The following PHF14 variants were observed in gnomAD, a reference collection of about 807,000 sequenced individuals.
The protein encoded by PHF14 is PHD finger protein 14.
Under a neutral mutation model 117.9 loss-of-function variants are expected in PHF14, and 55 were observed. The observed-to-expected ratio is 0.47, with a 90% confidence interval of 0.38 to 0.58. The LOEUF is 0.58. Among genes scored for constraint, PHF14 ranks in the 20% least tolerant of loss-of-function variants. The probability of loss-of-function intolerance (pLI) is 0.00; values close to 1 mark genes in which losing one functional copy is unlikely to be tolerated. For synonymous variants in PHF14, 409 were observed against 368.6 expected (o/e 1.11, Z -1.26); for missense variants, 978 against 1,122.2 (o/e 0.87, Z 1.84).
In PHF14 at chr7:10,990,742, C is replaced by A. The variant is rs754076838; in HGVS notation, c.940C>A (p.Gln314Lys). 1.0e-4 allele frequency: 158 copies of A among 1,564,872 alleles called. No homozygotes were observed. The highest frequency in any genetic ancestry group is 1.3e-4 in the Non-Finnish European group (150 of 1,151,712). The change falls in exon 4 of 18, where the codon CAA becomes AAA. Residue 314 changes from glutamine (Q) to lysine (K), a missense_variant. Coordinates refer to ENST00000634607, the MANE Select transcript of PHF14 (RefSeq NM_001007157.2). ...ILEKSQNWSS[Q>K]KMDHILICCV... ...TGAGAAGAGTCAAAACTGGAGCTCTCAAAAAATGGACCATATTCTGATTTG... is the reference window on the plus strand; with the variant it reads ...TGAGAAGAGTCAAAACTGGAGCTCTAAAAAAATGGACCATATTCTGATTTG...
rs908607441 is a variant in PHF14 at position 11,036,335 on chromosome 7, T to G, written c.1603-83T>G. The G allele has an allele frequency of 4.3e-6, 5 of 1,152,902 alleles. No individual in the cohort carries two copies. The East Asian group carries it at 1.3e-4, about 30-fold the overall frequency. The allele number at this position is 1,152,902 out of a possible 1,614,324, so 71.4% of individuals were successfully genotyped here. A position where few individuals can be genotyped will look rare whatever the true frequency, so the allele number is the denominator to read the frequency against. On this transcript the variant is annotated intron_variant, in intron 8 of 17. Coordinates refer to ENST00000634607, the MANE Select transcript of PHF14 (RefSeq NM_001007157.2). Reference sequence around the variant, plus strand: ...AGTTCTGATTATCTTTCTGTGAACATGGGAATAAAAATCAATGTAAAAATC... The same window carrying G: ...AGTTCTGATTATCTTTCTGTGAACAGGGGAATAAAAATCAATGTAAAAATC...
intron 17 of PHF14, among the ~76,000 whole-genome samples, chr7:11,135,602 C>CT (rs1379218227): frequency 6.6e-6 from 1 of 151,972 alleles, no homozygotes; most frequent in South Asian, 2.1e-4. Context: ...AAGAAATGTT[C>CT]TTTTTTTCCC....
rs193209889 is a variant in PHF14 at position 11,023,183 on chromosome 7, C to T, written c.1317+204C>T. Among the ~76,000 whole-genome samples the T allele has an allele frequency of 2.6e-4, 40 of 152,182 alleles. No homozygotes were observed. In the East Asian group the frequency reaches 6.6e-3, roughly 25 times the overall value. Reference sequence around the variant, plus strand: ...TCTATACATTCTTAATTTAGAGTAACGTATGAGGTAAAATGATAATTGGTA... The same window carrying T: ...TCTATACATTCTTAATTTAGAGTAATGTATGAGGTAAAATGATAATTGGTA... On this transcript the variant is annotated intron_variant, in intron 6 of 17. Coordinates refer to ENST00000634607, the MANE Select transcript of PHF14 (RefSeq NM_001007157.2).
chr7:11,016,414 A>G (rs2128316931), intron 5 of PHF14, among the ~76,000 whole-genome samples: 1 of 152,106 alleles, frequency 6.6e-6, no homozygotes, highest in East Asian at 1.9e-4. Flanking sequence ...GATTAATTAG[A>G]CTTTTTTCCT....
intron 16 of PHF14, chr7:11,110,519 C>T (rs1787410804): frequency 2.0e-6 from 2 of 980,458 alleles, no homozygotes; most frequent in Non-Finnish European, 2.4e-6. Flanking sequence ...TCTTCATTGT[C>T]AGCAGGATGA....
intron 17 of PHF14, among the ~76,000 whole-genome samples, chr7:11,158,012 T>C (rs147060131): frequency 4.6e-5 from 7 of 152,304 alleles, no homozygotes; most frequent in South Asian, 2.1e-4. Context: ...TGTTCTGATA[T>C]ACCCTTTACC....
At chr7:11,153,353 A>G (rs12669876) in intron 17 of PHF14, among the ~76,000 whole-genome samples, 5,268 of 152,206 alleles carry the variant, frequency 0.035, 193 homozygotes, top group East Asian at 0.11. Flanking sequence ...TGTTTGAACA[A>G]CTGAGTCTTA....
chr7:10,974,266 C>G lies in PHF14; in HGVS notation c.-58C>G, dbSNP rs572960331. 6.6e-7 allele frequency: 1 copy of G among 1,525,628 alleles called. No individual in the cohort carries two copies. Among genetic ancestry groups the G allele is most frequent in the Non-Finnish European group, 8.9e-7 (1 of 1,118,114 alleles). 94.5% of individuals were successfully genotyped at this position (1,525,628 alleles called of 1,614,324 possible). A position where few individuals can be genotyped will look rare whatever the true frequency, so the allele number is the denominator to read the frequency against. On this transcript the variant is annotated 5_prime_UTR_variant, in exon 1 of 18. Transcript: ENST00000634607. ...CCCCAGTCCCCGACCTCGGCGCTGCCTGGGCTCCTGCAGCCTCTCCCTAAG... is the reference window on the plus strand; with the variant it reads ...CCCCAGTCCCCGACCTCGGCGCTGCGTGGGCTCCTGCAGCCTCTCCCTAAG...
At chr7:11,039,528 G>A (rs115952186) in intron 11 of PHF14, among the ~76,000 whole-genome samples, 4,990 of 152,006 alleles carry the variant, frequency 0.033, 91 homozygotes, top group African/African-American at 0.05. Flanking sequence ...TACAGTTTTC[G>A]CAAATATTTT....
intron 2 of PHF14, among the ~76,000 whole-genome samples, chr7:10,980,069 A>T (rs1334345352): frequency 2.6e-5 from 4 of 152,166 alleles, no homozygotes; most frequent in African/African-American, 9.6e-5. Flanking sequence ...ATAATTAATT[A>T]ATTGGCATTG....
chr7:11,090,630 G>T (rs1786607014), intron 16 of PHF14, among the ~76,000 whole-genome samples: 1 of 152,110 alleles, frequency 6.6e-6, no homozygotes, highest in African/African-American at 2.4e-5. Flanking sequence ...TAACTGTAAA[G>T]AAATTGTGGA....
At chr7:11,057,624 T>A in intron 14 of PHF14, among the ~76,000 whole-genome samples, 1 of 152,194 alleles carries the variant, frequency 6.6e-6, no homozygotes, top group African/African-American at 2.4e-5. Flanking sequence ...TCTACCCGCC[T>A]CGGCCTCCCA....
At chr7:11,077,586 C>T (rs185309667) in intron 16 of PHF14, among the ~76,000 whole-genome samples, 3 of 121,734 alleles carry the variant, frequency 2.5e-5, no homozygotes, top group East Asian at 2.5e-4. Flanking sequence ...GGCAACAGAG[C>T]GAGACTCTGT....
chr7:11,128,010 C>G (rs1237145425), intron 17 of PHF14, among the ~76,000 whole-genome samples: 1 of 152,060 alleles, frequency 6.6e-6, no homozygotes, highest in Non-Finnish European at 1.5e-5. Context: ...AAAGTTGTAA[C>G]TTGACATTTT....
At chr7:11,066,850 T>C (rs1244027014) in intron 16 of PHF14, among the ~76,000 whole-genome samples, 2 of 152,224 alleles carry the variant, frequency 1.3e-5, no homozygotes, top group Non-Finnish European at 2.9e-5. Context: ...TTTTTCTGGA[T>C]CCTTTGCATT....
Position 11,037,045 on chromosome 7 carries a change from ATAAAT to A in PHF14, c.1937_1941del (p.Lys646ArgfsTer3), listed in dbSNP as rs1784341314. On this transcript the variant is annotated frameshift_variant, in exon 10 of 18. Transcript: ENST00000634607. LOFTEE classifies it high-confidence loss of function. ...ATGGCTGAACAAAAGAATATAAAAG[ATAAAT>A]TAGAGAATGAACAAGAAAAGCTTCA... 6.6e-7 allele frequency: 1 copy of A among 1,509,694 alleles called. No individual in the cohort carries two copies. The highest frequency in any genetic ancestry group is 1.4e-5 in the African/African-American group (1 of 72,262). 93.5% of individuals were successfully genotyped at this position (1,509,694 alleles called of 1,614,324 possible). A position where few individuals can be genotyped will look rare whatever the true frequency, so the allele number is the denominator to read the frequency against.
intron 17 of PHF14, among the ~76,000 whole-genome samples, chr7:11,166,886 G>A (rs1789217268): frequency 6.6e-6 from 1 of 152,040 alleles, no homozygotes; most frequent in African/African-American, 2.4e-5. Context: ...AGTGTTAGAA[G>A]GCATGCATTT....
chr7:11,027,580 G>A (rs55900463), intron 6 of PHF14, among the ~76,000 whole-genome samples: 2,194 of 152,000 alleles, frequency 0.014, 28 homozygotes, highest in Middle Eastern at 0.038. Flanking sequence ...GAGGATTTGC[G>A]GTAATTTCAA....
intron 16 of PHF14, among the ~76,000 whole-genome samples, chr7:11,097,113 G>A (rs973382173): frequency 2.0e-5 from 3 of 151,494 alleles, no homozygotes; most frequent in Admixed American, 2.0e-4. Flanking sequence ...CCAAGTAGCT[G>A]GGATTACAGG....
Sources: gnomAD v4.1 joint callset for allele counts (sites outside exome capture counted in the v4.1 genomes callset) on GRCh38, gnomAD v4.1.1 for gene constraint, MANE v1.5 for transcripts, NCBI Gene and HGNC (gene_info 2026-07-23, HGNC 2026-07-21) for gene names.